The following POTEJ variants were observed in gnomAD, a reference collection of about 807,000 sequenced individuals.
POTEJ encodes the protein POTE ankyrin domain family member J.
In POTEJ, 11 loss-of-function variants were observed where a neutral mutation model predicts 69.0. The observed-to-expected ratio is 0.16, with a 90% CI of 0.10 to 0.26. The LOEUF is 0.26. Ranked by LOEUF, POTEJ falls within the 10% of genes least tolerant of loss-of-function variation. The pLI, the probability that POTEJ is intolerant of heterozygous loss-of-function variation, is 1.00. For missense variants in POTEJ, 327 were observed against 1,045.5 expected, an observed-to-expected ratio of 0.31 and a Z score of 9.48; for synonymous variants, 117 against 381.1, an observed-to-expected ratio of 0.31 and a Z score of 8.07.
chr2:130,632,945 TA>T (rs1282866195), intron 9 of POTEJ, among the ~76,000 whole-genome samples: 1 of 147,364 alleles, frequency 6.8e-6, no homozygotes, highest in Non-Finnish European at 1.5e-5. Flanking sequence ...ATTATATAGG[TA>T]AAGTGTATCA....
chr2:130,644,580 T>C (rs1266069674), intron 11 of POTEJ, among the ~76,000 whole-genome samples: 2 of 152,206 alleles, frequency 1.3e-5, no homozygotes, highest in Non-Finnish European at 2.9e-5. Context: ...GATATTTAAC[T>C]TCAACATAAC....
chr2:130,634,911 C>A (rs1686034836), intron 9 of POTEJ, among the ~76,000 whole-genome samples: 1 of 152,228 alleles, frequency 6.6e-6, no homozygotes, highest in African/African-American at 2.4e-5. Context: ...AAGATTATCA[C>A]AATTTTTTTC....
intron 6 of POTEJ, among the ~76,000 whole-genome samples, chr2:130,624,920 C>G (rs1388726021): frequency 1.3e-5 from 2 of 152,104 alleles, no homozygotes; most frequent in African/African-American, 2.4e-5. Flanking sequence ...TTTGTTAGAA[C>G]AAGATGCTCT....
intron 9 of POTEJ, among the ~76,000 whole-genome samples, chr2:130,637,848 A>G (rs1301063325): frequency 6.6e-6 from 1 of 150,662 alleles, no homozygotes; most frequent in African/African-American, 2.5e-5. Flanking sequence ...GTAGAGAAGG[A>G]TCATTGGTCC....
chr2:130,635,382 G>GTCTCAAACTCCTGA (rs1573983425), intron 9 of POTEJ, among the ~76,000 whole-genome samples: 1 of 101,398 alleles, frequency 9.9e-6, no homozygotes, highest in East Asian at 2.6e-4. Context: ...GGCCAGCCTG[G>GTCTCAAACTCCTGA]TCTCAAACTC....
chr2:130,623,278 G>C (rs1202291207), intron 5 of POTEJ, among the ~76,000 whole-genome samples: 1 of 47,782 alleles, frequency 2.1e-5, no homozygotes, highest in East Asian at 4.0e-4. Context: ...CTGAGAGTTT[G>C]AGTCTGTAGA....
chr2:130,644,380 G>A (rs1686506926), intron 11 of POTEJ, among the ~76,000 whole-genome samples: 1 of 150,554 alleles, frequency 6.6e-6, no homozygotes, highest in African/African-American at 2.4e-5. Context: ...TGAGGCAGGA[G>A]AATGGCATGA....
intron 9 of POTEJ, among the ~76,000 whole-genome samples, chr2:130,636,148 T>A (rs1457199329): frequency 2.0e-5 from 3 of 149,850 alleles, no homozygotes; most frequent in Non-Finnish European, 4.4e-5. Flanking sequence ...GGATGCTTTT[T>A]CCCCAGATAT....
chr2:130,637,762 A>G (rs1170981694), intron 9 of POTEJ, among the ~76,000 whole-genome samples: 2 of 152,352 alleles, frequency 1.3e-5, no homozygotes, highest in East Asian at 1.9e-4. Context: ...TAGGGTTTTC[A>G]TCTCCCATGT....
rs1409171751 is a variant in POTEJ, at chr2:130,631,940, A to G, written c.1131+487A>G. 1.4e-4 allele frequency among the ~76,000 whole-genome samples: 20 copies of G among 143,396 alleles called. 3 individuals carry two copies. The highest frequency in any genetic ancestry group is 2.1e-4 in the Non-Finnish European group (14 of 65,914). The allele number at this position is 143,396 out of a possible 152,430, so 94.1% of individuals were successfully genotyped here. On this transcript the variant is annotated intron_variant, in intron 8 of 14. Coordinates refer to ENST00000409602, the MANE Select transcript of POTEJ (RefSeq NM_001277083.2). Reference sequence around the variant, plus strand: ...TTGGCTCCCATTTTCAGTGAGCACCATCATGTTTTTGATATCTCAGCAACC... The same window carrying G: ...TTGGCTCCCATTTTCAGTGAGCACCGTCATGTTTTTGATATCTCAGCAACC...
At chr2:130,618,905 T>TTTTTA (rs1685459254) in intron 3 of POTEJ, among the ~76,000 whole-genome samples, 1 of 133,988 alleles carries the variant, frequency 7.5e-6, no homozygotes, top group African/African-American at 3.1e-5. Context: ...ACCTCAGTTT[T>TTTTTA]TTTTATTTTA....
intron 1 of POTEJ, among the ~76,000 whole-genome samples, chr2:130,613,301 T>C (rs1347173245): frequency 1.6e-5 from 2 of 121,994 alleles, no homozygotes; most frequent in East Asian, 2.2e-4. Context: ...TATATATACA[T>C]ATGTATATAT....
At chr2:130,631,098 C>T (rs1685881311) in intron 7 of POTEJ, among the ~76,000 whole-genome samples, 1 of 144,576 alleles carries the variant, frequency 6.9e-6, no homozygotes, top group Non-Finnish European at 1.5e-5. Flanking sequence ...CAAGTTTAGT[C>T]CAAACAAATG....
At chr2:130,640,371 T>G (rs2105239643) in intron 10 of POTEJ, among the ~76,000 whole-genome samples, 1 of 146,766 alleles carries the variant, frequency 6.8e-6, no homozygotes, top group South Asian at 2.1e-4. Context: ...ATAGACTTTT[T>G]AATACTATAG....
chr2:130,625,820 A>C (rs1220590631), intron 6 of POTEJ, among the ~76,000 whole-genome samples: 1 of 136,706 alleles, frequency 7.3e-6, no homozygotes, highest in Non-Finnish European at 1.6e-5. Context: ...TTTTAATACT[A>C]TAGAGATGAG....
At chr2:130,629,111 G>A (rs1357662129) in intron 6 of POTEJ, among the ~76,000 whole-genome samples, 2 of 152,054 alleles carry the variant, frequency 1.3e-5, no homozygotes, top group African/African-American at 2.4e-5. Context: ...CACTAATAAA[G>A]GTGTCAGTAG....
intron 3 of POTEJ, among the ~76,000 whole-genome samples, chr2:130,618,136 C>G (rs1276419839): frequency 6.6e-6 from 1 of 152,024 alleles, no homozygotes; most frequent in East Asian, 1.9e-4. Flanking sequence ...AAATAAGTAA[C>G]AAGATCAAGT....
intron 1 of POTEJ, among the ~76,000 whole-genome samples, chr2:130,612,614 T>C (rs1434587440): frequency 6.7e-6 from 1 of 149,638 alleles, no homozygotes; most frequent in Non-Finnish European, 1.5e-5. Context: ...ATAAAAAAAA[T>C]TAGCCGGGCA....
At chr2:130,643,628 G>A (rs1686478688) in intron 10 of POTEJ, among the ~76,000 whole-genome samples, 1 of 143,042 alleles carries the variant, frequency 7.0e-6, no homozygotes, top group South Asian at 2.2e-4. Flanking sequence ...AGTGATTTTG[G>A]AAATCATTTA....
Sources: gnomAD v4.1 joint callset for allele counts (sites outside exome capture counted in the v4.1 genomes callset) on GRCh38, gnomAD v4.1.1 for gene constraint, MANE v1.5 for transcripts, NCBI Gene and HGNC (gene_info 2026-07-23, HGNC 2026-07-21) for gene names.